VASH2: variants seen among roughly 807,000 people sequenced by gnomAD.
VASH2 encodes tubulinyl-Tyr carboxypeptidase 2.
Under a neutral mutation model 37.2 loss-of-function variants are expected in VASH2, and 28 were observed. The ratio of observed to expected loss-of-function variants is 0.75; its 90% CI spans 0.56 to 1.03. The LOEUF (loss-of-function observed/expected upper bound fraction) is 1.03. Ranked by LOEUF, VASH2 falls within the 50% of genes least tolerant of loss-of-function variation. The pLI is 0.00. For synonymous variants in VASH2, 188 were observed against 174.7 expected, an observed-to-expected ratio of 1.08 and a Z score of -0.60; for missense variants, 419 against 459.1, an observed-to-expected ratio of 0.91 and a Z score of 0.80.
chr1:212,961,201 G>C lies in VASH2; in HGVS notation c.312G>C (p.Ser104=). The C allele has an allele frequency of 6.2e-7, 1 of 1,614,154 alleles. No individual in the cohort carries two copies. Among genetic ancestry groups the C allele is most frequent in the Non-Finnish European group, 8.5e-7 (1 of 1,180,018 alleles). ...SIPQVPNYRL[S]MTIPDWLQAI... ...CCCAGGTCCCAAACTACAGGCTGTCGATGACGATCCCAGACTGGCTCCAGG... is the reference window on the plus strand; with the variant it reads ...CCCAGGTCCCAAACTACAGGCTGTCCATGACGATCCCAGACTGGCTCCAGG... The change falls in exon 3 of 8, where the codon TCG becomes TCC. Residue 104 remains serine (S), a synonymous_variant. Transcript: ENST00000517399.
At chr1:212,970,752 T>C (rs1253426721) in intron 5 of VASH2, among the ~76,000 whole-genome samples, 1 of 152,030 alleles carries the variant, frequency 6.6e-6, no homozygotes, top group Non-Finnish European at 1.5e-5. Context: ...TAGCCAGGTA[T>C]GGTGGCGGGT....
chr1:212,976,899 C>T (rs369004361), intron 7 of VASH2, among the ~76,000 whole-genome samples: 39 of 152,270 alleles, frequency 2.6e-4, no homozygotes, highest in African/African-American at 8.7e-4. Context: ...TACCTTCTGT[C>T]GCGCATGTCC....
chr1:212,951,506 G>C lies in VASH2; in HGVS notation c.-37G>C. 8.2e-7 allele frequency: 1 copy of C among 1,220,962 alleles called. No individual in the cohort carries two copies. Among genetic ancestry groups the C allele is most frequent in the African/African-American group, 1.6e-5 (1 of 63,668 alleles). 75.6% of individuals were successfully genotyped at this position (1,220,962 alleles called of 1,614,324 possible). ...CCGCCGCCGCCGCTGCCGCCGCCGC[G>C]CGCCCCCAGTACCTCGCTCCCCGCC... On this transcript the variant is annotated 5_prime_UTR_variant, in exon 2 of 8. Coordinates refer to ENST00000517399, the MANE Select transcript of VASH2 (RefSeq NM_001301056.2). The surrounding 1 kb of genome is among the most constrained non-coding windows in gnomAD (Gnocchi z 4.4).
chr1:212,991,016 T>C lies in VASH2; in HGVS notation c.*2432T>C, dbSNP rs149216486. On this transcript the variant is annotated 3_prime_UTR_variant, in exon 8 of 8. Transcript: ENST00000517399. ...TATAAAAAATAAAACTATGAAGTGA[T>C]TTGAAATCGGTTTTAAAAAGTTGTT... 1.1e-4 allele frequency: 16 copies of C among 152,328 alleles called. No individual in the cohort carries two copies. Among genetic ancestry groups the C allele is most frequent in the African/African-American group, 3.4e-4 (14 of 41,580 alleles). 9.4% of individuals were successfully genotyped at this position (152,328 alleles called of 1,614,324 possible).
At chr1:212,969,344 C>T (rs1666940780) in intron 5 of VASH2, 5 of 265,430 alleles carry the variant, frequency 1.9e-5, no homozygotes, top group East Asian at 1.8e-4. Flanking sequence ...AACAGGCGCA[C>T]GCCGCCATGC....
At chr1:212,975,378 G>A (rs1376850808) in intron 7 of VASH2, among the ~76,000 whole-genome samples, 2 of 152,252 alleles carry the variant, frequency 1.3e-5, no homozygotes, top group Admixed American at 1.3e-4. Context: ...GGTGTGAGGT[G>A]TGAAGCAGTG....
At chr1:212,952,370 T>TGA (rs1666342336) in intron 2 of VASH2, 1 of 152,332 alleles carries the variant, frequency 6.6e-6, no homozygotes, top group Non-Finnish European at 1.5e-5. Context: ...TGTGTGTGTG[T>TGA]GACAGTGACT....
chr1:212,973,908 G>C (rs1291644135), intron 6 of VASH2, 47 bp from the exon 7 acceptor site: 13 of 1,591,060 alleles, frequency 8.2e-6, no homozygotes, highest in Non-Finnish European at 1.1e-5. Context: ...CCTGAGGGTG[G>C]AGGTCCCTTA....
At chr1:212,968,447 C>A in intron 5 of VASH2, 1 of 985,470 alleles carries the variant, frequency 1.0e-6, no homozygotes, top group Non-Finnish European at 1.2e-6. Flanking sequence ...TCTGGGTCTC[C>A]TGGACATCTT....
chr1:212,973,424 G>A (rs1179061061), intron 6 of VASH2: 10 of 1,291,426 alleles, frequency 7.7e-6, no homozygotes, highest in Non-Finnish European at 8.1e-6. Context: ...GTCCCTCCAG[G>A]GCTTGTGCAG....
chr1:212,968,729 C>T, intron 5 of VASH2: 1 of 985,460 alleles, frequency 1.0e-6, no homozygotes, highest in Non-Finnish European at 1.2e-6. Flanking sequence ...CAGGAGTCAG[C>T]CACAGCTGTT....
chr1:212,987,412 CA>C (rs1048228097), intron 7 of VASH2, among the ~76,000 whole-genome samples: 1 of 151,836 alleles, frequency 6.6e-6, no homozygotes, highest in African/African-American at 2.4e-5. Context: ...CCCATGTCTA[CA>C]AAAATACAAA....
At chr1:212,967,151 C>T (rs1048444893) in intron 5 of VASH2, 6 of 1,304,482 alleles carry the variant, frequency 4.6e-6, no homozygotes, top group Non-Finnish European at 5.1e-6. Context: ...TTCTCCCACA[C>T]TTTCTGTTCC....
At chr1:212,987,447 G>A (rs1036880573) in intron 7 of VASH2, among the ~76,000 whole-genome samples, 1 of 152,054 alleles carries the variant, frequency 6.6e-6, no homozygotes, top group African/African-American at 2.4e-5. Context: ...GGTGGCACAT[G>A]CCTGTAATCC....
At chr1:212,985,851 A>T (rs1667462481) in intron 7 of VASH2, among the ~76,000 whole-genome samples, 2 of 152,170 alleles carry the variant, frequency 1.3e-5, no homozygotes, top group Admixed American at 6.5e-5. Context: ...CTGCCACACC[A>T]CACTTCCATG....
chr1:212,958,108 G>T (rs527988240), intron 2 of VASH2, among the ~76,000 whole-genome samples: 2 of 152,184 alleles, frequency 1.3e-5, no homozygotes, highest in Non-Finnish European at 2.9e-5. Context: ...CTTTGGACCT[G>T]GTTGTGTGTG....
Position 212,988,645 on chromosome 1 carries a change from A to T in VASH2, c.*61A>T. On this transcript the variant is annotated 3_prime_UTR_variant, in exon 8 of 8. Coordinates refer to ENST00000517399, the MANE Select transcript of VASH2 (RefSeq NM_001301056.2). ...TGCTTCTCTCTGCACTTTACCCAGCATCTTCAGGAGGAACTGCAACTATTT... is the reference window on the plus strand; with the variant it reads ...TGCTTCTCTCTGCACTTTACCCAGCTTCTTCAGGAGGAACTGCAACTATTT... 6.5e-7 allele frequency: 1 copy of T among 1,537,906 alleles called. No homozygotes were observed. Among genetic ancestry groups the T allele is most frequent in the Non-Finnish European group, 9.0e-7 (1 of 1,111,914 alleles).
intron 7 of VASH2, among the ~76,000 whole-genome samples, chr1:212,983,534 C>T (rs930008522): frequency 1.3e-5 from 2 of 152,214 alleles, no homozygotes; most frequent in Non-Finnish European, 2.9e-5. Context: ...ACACACCTCC[C>T]ACTAAGCCCT....
chr1:212,975,890 T>C (rs919586293), intron 7 of VASH2, among the ~76,000 whole-genome samples: 2 of 152,206 alleles, frequency 1.3e-5, no homozygotes, highest in Non-Finnish European at 2.9e-5. Context: ...TGGCAATGGA[T>C]TCCTGCACAG....
Sources: allele counts gnomAD v4.1 joint callset (sites outside exome capture counted in the v4.1 genomes callset), GRCh38; gene constraint gnomAD v4.1.1; non-coding constraint Gnocchi (gnomAD v3.1); transcripts MANE v1.5; gene names NCBI Gene and HGNC (gene_info 2026-07-23, HGNC 2026-07-21).